The following MAP7D2 variants were observed in gnomAD, a reference collection of about 807,000 sequenced individuals.
The protein encoded by MAP7D2 is MAP7 domain-containing protein 2.
A neutral mutation model predicts 63.5 loss-of-function variants in MAP7D2; 33 were observed. The observed-to-expected ratio is 0.52, with a 90% confidence interval of 0.39 to 0.70. The LOEUF is 0.70. MAP7D2 is among the 30% of genes least tolerant of loss of function. The pLI is 0.00. For missense variants in MAP7D2, 626 were observed against 604.0 expected, an observed-to-expected ratio of 1.04 and a Z score of -0.38; for synonymous variants, 224 against 223.7, an observed-to-expected ratio of 1.00 and a Z score of -0.01.
intron 8 of MAP7D2, among the ~76,000 whole-genome samples, chrX:20,040,200 G>T (rs1234481367): frequency 9.0e-6 from 1 of 110,645 alleles, no homozygotes; most frequent in Non-Finnish European, 1.9e-5. Flanking sequence ...GAGGTTTTGG[G>T]ACTCGGACTG....
At chrX:20,065,305 C>T (rs1049701456) in intron 1 of MAP7D2, among the ~76,000 whole-genome samples, 3 of 100,549 alleles carry the variant, frequency 3.0e-5, no homozygotes, top group Non-Finnish European at 6.0e-5. Context: ...CTCACTCTGT[C>T]GCCTGGGCTG....
At chrX:20,048,887 A>C (rs992978520) in intron 6 of MAP7D2, among the ~76,000 whole-genome samples, 1 of 110,395 alleles carries the variant, frequency 9.1e-6, no homozygotes, top group Non-Finnish European at 1.9e-5. Flanking sequence ...ACATCACTGC[A>C]TTCTAGCCAG....
At chrX:20,094,055 A>G (rs2066141821) in intron 1 of MAP7D2, among the ~76,000 whole-genome samples, 1 of 111,851 alleles carries the variant, frequency 8.9e-6, no homozygotes, top group African/African-American at 3.2e-5. Flanking sequence ...GTAATAACAA[A>G]AGCAGAGGAG....
intron 7 of MAP7D2, 31 bp downstream of exon 7, chrX:20,044,333 G>GGAGT (rs756191478): frequency 6.7e-6 from 8 of 1,194,664 alleles, no homozygotes; most frequent in Non-Finnish European, 9.1e-6. Flanking sequence ...ACAGTCTAGA[G>GGAGT]GAGTGAGTGG....
At chrX:20,100,211 A>G (rs762857648) in intron 1 of MAP7D2, among the ~76,000 whole-genome samples, 1 of 112,290 alleles carries the variant, frequency 8.9e-6, no homozygotes, top group Non-Finnish European at 1.9e-5. Context: ...TATAATGCTT[A>G]TAAGTTGCAA....
chrX:20,042,498 T>C lies in MAP7D2; in HGVS notation c.1007+4A>G. On this transcript the variant is annotated splice_donor_region_variant and intron_variant, in intron 8 of 16. Transcript: ENST00000379643. The stretch of plus-strand genomic sequence containing the variant: ...ACTGTCTGGCAAAGGGGAGAGATGC[T>C]TACTTGGATATCACAGGAGAAGATG... 8.3e-7 allele frequency: 1 copy of C among 1,210,988 alleles called. No homozygotes were observed. The highest frequency in any genetic ancestry group is 1.7e-5 in the African/African-American group (1 of 57,796).
intron 1 of MAP7D2, among the ~76,000 whole-genome samples, chrX:20,088,327 C>T (rs1213381660): frequency 9.6e-6 from 1 of 103,956 alleles, no homozygotes; most frequent in Non-Finnish European, 2.0e-5. Flanking sequence ...GAGTCTCGCT[C>T]TGTGTCCCAG....
intron 3 of MAP7D2, among the ~76,000 whole-genome samples, chrX:20,063,094 T>A (rs2065261873): frequency 9.0e-6 from 1 of 111,095 alleles, no homozygotes. Context: ...CAGAAAAGGT[T>A]ATGACTAAAA....
rs780905019 is a variant in MAP7D2 at position 20,025,804 on chromosome X, C to T, written c.1156G>A (p.Gly386Ser). ...EKEKSNKERE[G>S]TLAQQAAGPQ... is the part of the protein sequence containing the mutation. Reference sequence around the variant, plus strand: ...CCAGCAGCCTGCTGAGCCAAGGTACCTTCCCTTTCCTTGTTGCTCTTCTCT... The same window carrying T: ...CCAGCAGCCTGCTGAGCCAAGGTACTTTCCCTTTCCTTGTTGCTCTTCTCT... Residue 386 changes from glycine to serine, a missense_variant, in exon 9 of 17, where the codon GGT (glycine) becomes AGT (serine). Gly to Ser is a moderately conservative substitution (Grantham distance 56). Transcript: ENST00000379643. The T allele has an allele frequency of 4.1e-6, 5 of 1,211,889 alleles. No individual in the cohort carries two copies. The highest frequency in any genetic ancestry group is 4.5e-6 in the Non-Finnish European group (4 of 895,558).
chrX:20,007,617 C>T lies in MAP7D2; in HGVS notation c.*808G>A, dbSNP rs771096051. On this transcript the variant is annotated 3_prime_UTR_variant, in exon 17 of 17. Coordinates refer to ENST00000379643, the MANE Select transcript of MAP7D2 (RefSeq NM_001168465.2). ...AATTAGCAAGAACATTGAAAACCAA[C>T]CACCTGCACGCGAGACATAGGATTC... is the stretch of plus-strand genomic sequence containing the variant. 2 of 111,480 alleles carry T rather than the reference C, an allele frequency of 1.8e-5. No individual in the cohort carries two copies. The highest frequency in any genetic ancestry group is 7.6e-4 in the South Asian group (2 of 2,632). The allele number at this position is 111,480 out of a possible 1,213,427, so 9.2% of individuals were successfully genotyped here.
chrX:20,044,845 T>C, intron 6 of MAP7D2, among the ~76,000 whole-genome samples: 1 of 111,506 alleles, frequency 9.0e-6, no homozygotes, highest in Middle Eastern at 4.6e-3. Flanking sequence ...AGGGTTAACA[T>C]AGCAGATCTG....
At chrX:20,055,948 T>C in intron 4 of MAP7D2, 1 of 315,473 alleles carries the variant, frequency 3.2e-6, no homozygotes, top group Non-Finnish European at 5.4e-6. Context: ...GTTGTTGACT[T>C]TTCAAAAAAG....
intron 1 of MAP7D2, among the ~76,000 whole-genome samples, chrX:20,070,979 A>G (rs750762280): frequency 8.9e-6 from 1 of 112,489 alleles, no homozygotes; most frequent in Non-Finnish European, 1.9e-5. Flanking sequence ...AATTAATCAC[A>G]TTAAATGAAT....
intron 8 of MAP7D2, among the ~76,000 whole-genome samples, chrX:20,027,700 A>AAAGAGAGG (rs2073901081): frequency 9.4e-6 from 1 of 106,318 alleles, no homozygotes; most frequent in East Asian, 3.0e-4. Flanking sequence ...AGGGAGAGAG[A>AAAGAGAGG]AAGAGAGGGA....
At position 20,105,711 on chromosome X, in the gene MAP7D2, C is replaced by T. The variant is rs370686796; in HGVS notation, c.130+11039G>A. Among the ~76,000 whole-genome samples the T allele has an allele frequency of 2.1e-4, 23 of 111,278 alleles. No homozygotes were observed. In the East Asian group the frequency reaches 4.0e-3, roughly 19 times the overall value. On this transcript the variant is annotated intron_variant, in intron 1 of 16. Coordinates refer to ENST00000379643, the MANE Select transcript of MAP7D2 (RefSeq NM_001168465.2). Reference sequence around the variant, plus strand: ...GAATCTCACAGAGCCCATTGAATCCCGACTCAGCAGACCCTACCCAGCAGC... The same window carrying T: ...GAATCTCACAGAGCCCATTGAATCCTGACTCAGCAGACCCTACCCAGCAGC...
intron 6 of MAP7D2, among the ~76,000 whole-genome samples, chrX:20,049,200 G>A (rs1387471807): frequency 9.1e-6 from 1 of 109,546 alleles, no homozygotes; most frequent in Non-Finnish European, 1.9e-5. Context: ...CACAATATGT[G>A]GCCTTTTGCA....
chrX:20,072,999 GTTA>G (rs2065544505), intron 1 of MAP7D2, among the ~76,000 whole-genome samples: 1 of 111,362 alleles, frequency 9.0e-6, no homozygotes, highest in Non-Finnish European at 1.9e-5. Flanking sequence ...AATGATTAAT[GTTA>G]TTATTAGTAA....
chrX:20,064,758 C>T lies in MAP7D2; in HGVS notation c.178G>A (p.Glu60Lys). The T allele has an allele frequency of 8.3e-7, 1 of 1,211,698 alleles. No individual in the cohort carries two copies. Among genetic ancestry groups the T allele is most frequent in the African/African-American group, 1.7e-5 (1 of 57,876 alleles). ...CATTTTTCTCTTTCTTCTCGTCTTTCTTTGGCCAATCTCTGCCTCTCATCT... is the reference window on the plus strand; with the variant it reads ...CATTTTTCTCTTTCTTCTCGTCTTTTTTTGGCCAATCTCTGCCTCTCATCT... ...KSDERQRLAK[E>K]RREEREKCLA... Residue 60 changes from glutamate (E) to lysine (K), a missense_variant, in exon 2 of 17, where the codon GAA becomes AAA. Coordinates refer to ENST00000379643, the MANE Select transcript of MAP7D2 (RefSeq NM_001168465.2).
intron 8 of MAP7D2, among the ~76,000 whole-genome samples, chrX:20,037,933 T>C (rs999991950): frequency 8.9e-6 from 1 of 111,798 alleles, no homozygotes; most frequent in East Asian, 2.8e-4. Flanking sequence ...ACCTCTGTCA[T>C]TGCACAATGG....
Sources: allele counts gnomAD v4.1 joint callset (sites outside exome capture counted in the v4.1 genomes callset), GRCh38; gene constraint gnomAD v4.1.1; transcripts MANE v1.5; gene names NCBI Gene and HGNC (gene_info 2026-07-23, HGNC 2026-07-21).